The following PAX2 variants were observed in gnomAD, a reference collection of about 807,000 sequenced individuals.
PAX2 encodes the protein paired box protein Pax-2.
PAX2 carries 9 observed loss-of-function variants against 41.7 expected under a neutral mutation model. The observed-to-expected ratio is 0.22, with a 90% CI of 0.13 to 0.38. PAX2 has a LOEUF of 0.38. Among genes scored for constraint, PAX2 ranks in the 10% least tolerant of loss-of-function variants. The pLI is 1.00. For missense variants in PAX2, 418 were observed against 531.6 expected, an observed-to-expected ratio of 0.79 and a Z score of 2.10; for synonymous variants, 221 against 212.7, an observed-to-expected ratio of 1.04 and a Z score of -0.34.
In PAX2 at chr10:100,802,200, G is replaced by A. The variant is rs576424193; in HGVS notation, c.617-4230G>A. Among the ~76,000 whole-genome samples, 175 of 152,244 alleles carry A rather than the reference G, an allele frequency of 1.1e-3. 4 individuals carry two copies. The highest frequency in any genetic ancestry group is 0.01 in the Admixed American group (154 of 15,282). On this transcript the variant is annotated intron_variant, in intron 5 of 9. Transcript: ENST00000355243. ...AATCTAAAAATGTGGCCAGAGAATG[G>A]GGAAGAATACTGGAAATCAGAATTC... is the stretch of plus-strand genomic sequence containing the variant.
At chr10:100,804,737 A>G (rs1375786774) in intron 5 of PAX2, among the ~76,000 whole-genome samples, 2 of 152,242 alleles carry the variant, frequency 1.3e-5, no homozygotes, top group African/African-American at 2.4e-5. Flanking sequence ...AAGCGCGTAG[A>G]CACGCAATAC....
intron 1 of PAX2, chr10:100,747,198 CCCCATTGAGG>C (rs1189765323): frequency 1.3e-5 from 2 of 152,216 alleles, no homozygotes; most frequent in African/African-American, 4.8e-5. Flanking sequence ...ACTGCCGACT[CCCCATTGAGG>C]ATCACGCAGC....
At position 100,748,851 on chromosome 10, in the gene PAX2, G is replaced by A. The variant is rs1264492322; in HGVS notation, c.44-895G>A. 1 of 985,424 alleles carries A rather than the reference G, an allele frequency of 1.0e-6. No individual in the cohort carries two copies. Among genetic ancestry groups the A allele is most frequent in the Non-Finnish European group, 1.2e-6 (1 of 829,936 alleles). 61.0% of individuals were successfully genotyped at this position (985,424 alleles called of 1,614,324 possible). A position where few individuals can be genotyped will look rare whatever the true frequency, so the allele number is the denominator to read the frequency against. The stretch of plus-strand genomic sequence containing the variant: ...CGGGTTTGGGTCGGCTACACAGGGC[G>A]CCCCGAGAGTTATTAACTCGCCAGC... On this transcript the variant is annotated intron_variant, in intron 1 of 9. Coordinates refer to ENST00000355243, the MANE Select transcript of PAX2 (RefSeq NM_000278.5). The surrounding 1 kb of genome is among the most constrained non-coding windows in gnomAD (Gnocchi z 5.0).
intron 5 of PAX2, among the ~76,000 whole-genome samples, chr10:100,792,632 G>A (rs1847169230): frequency 6.6e-6 from 1 of 152,230 alleles, no homozygotes; most frequent in South Asian, 2.1e-4. Context: ...GCTGACTGTG[G>A]AGGACGCCTT....
intron 7 of PAX2, among the ~76,000 whole-genome samples, chr10:100,815,250 G>C (rs1362003279): frequency 6.6e-6 from 1 of 152,168 alleles, no homozygotes; most frequent in Non-Finnish European, 1.5e-5. Context: ...AATAAAGACT[G>C]AGAAATGTTT....
In PAX2 at chr10:100,827,228, GC is replaced by G; in HGVS notation, c.1108+136del. On this transcript the variant is annotated intron_variant, in intron 9 of 9. Coordinates refer to ENST00000355243, the MANE Select transcript of PAX2 (RefSeq NM_000278.5). This position sits in a 1 kb window ranked among gnomAD's most constrained non-coding sequence, Gnocchi z 8.5. ...ACAGGCTTGTTAGTGCAGCACTGAG[GC>G]CCGGGGACCCCTCGAGGACGCCCGC... 8 of 770,010 alleles carry G rather than the reference GC, an allele frequency of 1.0e-5. No individual in the cohort carries two copies. In the South Asian group the frequency reaches 1.2e-4, roughly 11 times the overall value. 47.7% of individuals were successfully genotyped at this position (770,010 alleles called of 1,614,324 possible). A position where few individuals can be genotyped will look rare whatever the true frequency, so the allele number is the denominator to read the frequency against.
At position 100,781,277 on chromosome 10, in the gene PAX2, C is replaced by A; in HGVS notation, c.528C>A (p.Ser176Arg). The A allele has an allele frequency of 6.2e-7, 1 of 1,613,528 alleles. No homozygotes were observed. The change falls in exon 5 of 10, where the codon AGC becomes AGA. Residue 176 changes from serine to arginine, a missense_variant. This residue lies in a region of PAX2 where 310 missense variants were observed against 325.2 expected (regional missense o/e 0.95). Coordinates refer to ENST00000355243, the MANE Select transcript of PAX2 (RefSeq NM_000278.5). ...GCACGGCCTCCCCTCCTGTTTCCAG[C>A]GCCTCCAATGACCCAGTGGGATCCT... ...VPSTASPPVSSASNDPVGSYS... is the reference protein window; with the variant it reads ...VPSTASPPVSRASNDPVGSYS...
At chr10:100,757,716 G>A (rs1279629154) in intron 3 of PAX2, among the ~76,000 whole-genome samples, 1 of 152,236 alleles carries the variant, frequency 6.6e-6, no homozygotes, top group Non-Finnish European at 1.5e-5. Flanking sequence ...ATCCAGGTGT[G>A]AGGGGCATAG....
At position 100,750,048 on chromosome 10, in the gene PAX2, G is replaced by T; in HGVS notation, c.212+134G>T. On this transcript the variant is annotated intron_variant, in intron 2 of 9. Transcript: ENST00000355243. This position sits in a 1 kb window ranked among gnomAD's most constrained non-coding sequence, Gnocchi z 4.1. ...GGAGATCCCCAAAGGGGTCTGGAGA[G>T]GTGCTCCTTTTGGAGAGAGTGTTCA... 9.5e-7 allele frequency: 1 copy of T among 1,049,450 alleles called. No individual in the cohort carries two copies. Among genetic ancestry groups the T allele is most frequent in the Non-Finnish European group, 1.4e-6 (1 of 726,130 alleles). 65.0% of individuals were successfully genotyped at this position (1,049,450 alleles called of 1,614,324 possible). A position where few individuals can be genotyped will look rare whatever the true frequency, so the allele number is the denominator to read the frequency against.
chr10:100,741,591 C>T (rs905962683), upstream of PAX2, among the ~76,000 whole-genome samples: 9 of 152,212 alleles, frequency 5.9e-5, no homozygotes, highest in East Asian at 9.7e-4. Context: ...AGGGTATGCG[C>T]CCTGGGGTGC....
chr10:100,776,553 G>A (rs1166488279), intron 3 of PAX2, among the ~76,000 whole-genome samples: 1 of 152,146 alleles, frequency 6.6e-6, no homozygotes, highest in Non-Finnish European at 1.5e-5. Flanking sequence ...ATGTCCTCCA[G>A]TATCCACTCC....
In PAX2 at chr10:100,748,764, G is replaced by T; in HGVS notation, c.44-982G>T. 1 of 985,482 alleles carries T rather than the reference G, an allele frequency of 1.0e-6. No individual in the cohort carries two copies. Among genetic ancestry groups the T allele is most frequent in the African/African-American group, 1.7e-5 (1 of 57,366 alleles). 61.0% of individuals were successfully genotyped at this position (985,482 alleles called of 1,614,324 possible). ...CCTTCTCTTGGCCGAAAGAGCAAAA[G>T]CCCGAGCCGCTCGGTTTCCTGGGGG... On this transcript the variant is annotated intron_variant, in intron 1 of 9. Coordinates refer to ENST00000355243, the MANE Select transcript of PAX2 (RefSeq NM_000278.5). This position sits in a 1 kb window ranked among gnomAD's most constrained non-coding sequence, Gnocchi z 5.0.
chr10:100,756,325 G>A (rs1006254103), intron 3 of PAX2, among the ~76,000 whole-genome samples: 2 of 152,122 alleles, frequency 1.3e-5, no homozygotes, highest in African/African-American at 4.8e-5. Context: ...TACTCTGCAG[G>A]TTGCCTCTTA....
At position 100,813,434 on chromosome 10, in the gene PAX2, C is replaced by A. The variant is rs1346037960; in HGVS notation, c.919+4198C>A. On this transcript the variant is annotated intron_variant, in intron 7 of 9. Coordinates refer to ENST00000355243, the MANE Select transcript of PAX2 (RefSeq NM_000278.5). ...AATAGAGGGGAACTCAAAGCCAGAT[C>A]AGTATTGGAGAGGCCGCTGGCATCA... 2.6e-5 allele frequency among the ~76,000 whole-genome samples: 4 copies of A among 152,304 alleles called. No individual in the cohort carries two copies. The East Asian group carries it at 7.7e-4, about 29-fold the overall frequency.
intron 5 of PAX2, among the ~76,000 whole-genome samples, chr10:100,805,197 T>C (rs938306531): frequency 1.3e-5 from 2 of 152,166 alleles, no homozygotes; most frequent in African/African-American, 4.8e-5. Flanking sequence ...CAGGTTGAGT[T>C]AATCAATATG....
chr10:100,743,732 G>A (rs954345086), upstream of PAX2, among the ~76,000 whole-genome samples: 1 of 152,176 alleles, frequency 6.6e-6, no homozygotes, highest in Non-Finnish European at 1.5e-5. Context: ...GTGCGTGTTC[G>A]TGGGGTTGTG....
rs754146050 is a variant in PAX2 at position 100,750,701 on chromosome 10, G to T, written c.220G>T (p.Glu74Ter). Residue 74 changes from glutamate to a stop codon, truncating the protein, a stop_gained, in exon 3 of 10, where the codon GAG (glutamate) becomes TAG (stop). Transcript: ENST00000355243. LOFTEE classifies it high-confidence loss of function. This position sits in a 1 kb window ranked among gnomAD's most constrained non-coding sequence, Gnocchi z 4.1. ...CVSKILGRYY[E>*]TGSIKPGVIG... ...CCGGCTTTCCCGGCGCAGGTACTACGAGACCGGCAGCATCAAGCCGGGTGT... is the reference window on the plus strand; with the variant it reads ...CCGGCTTTCCCGGCGCAGGTACTACTAGACCGGCAGCATCAAGCCGGGTGT... The T allele has an allele frequency of 6.2e-7, 1 of 1,614,060 alleles. No individual in the cohort carries two copies. The highest frequency in any genetic ancestry group is 1.1e-5 in the South Asian group (1 of 91,076).
intron 3 of PAX2, among the ~76,000 whole-genome samples, chr10:100,764,505 A>G (rs545015553): frequency 6.6e-6 from 1 of 152,346 alleles, no homozygotes; most frequent in South Asian, 2.1e-4. Context: ...AGAATTGTGT[A>G]TCATGAATGC....
intron 3 of PAX2, among the ~76,000 whole-genome samples, chr10:100,770,282 C>A (rs892658711): frequency 6.6e-6 from 1 of 152,094 alleles, no homozygotes; most frequent in African/African-American, 2.4e-5. Context: ...ATAGCAGTAC[C>A]TTGTTCACCT....
Sources: gnomAD v4.1 joint callset for allele counts (sites outside exome capture counted in the v4.1 genomes callset) on GRCh38, gnomAD v4.1.1 for gene constraint, gnomAD v4.1.1 regional missense constraint, Gnocchi (gnomAD v3.1) non-coding constraint, MANE v1.5 for transcripts, NCBI Gene and HGNC (gene_info 2026-07-23, HGNC 2026-07-21) for gene names.